The following PHACTR1 variants were observed in gnomAD, a reference collection of about 807,000 sequenced individuals.
The protein encoded by PHACTR1 is RPEL repeat containing 1.
In PHACTR1, 16 loss-of-function variants were observed where a neutral mutation model predicts 69.2. That is an observed-to-expected ratio of 0.23 (90% CI 0.16 to 0.35). The LOEUF (loss-of-function observed/expected upper bound fraction) is 0.35, where lower values mean the gene tolerates loss of function less well. Among genes scored for constraint, PHACTR1 ranks in the 10% least tolerant of loss-of-function variants. The pLI, the probability that PHACTR1 is intolerant of heterozygous loss-of-function variation, is 1.00. For missense variants in PHACTR1, 510 were observed against 734.7 expected (o/e 0.69, Z 3.54); for synonymous variants, 312 against 284.5 (o/e 1.10, Z -0.97).
chr6:13,212,915 C>T (rs1583973896), intron 8 of PHACTR1, among the ~76,000 whole-genome samples: 1 of 152,188 alleles, frequency 6.6e-6, no homozygotes, highest in East Asian at 1.9e-4. Context: ...GCCTGTTCCC[C>T]AGCTCCTTTT....
chr6:12,849,821 A>AT (rs1779657883), intron 4 of PHACTR1, among the ~76,000 whole-genome samples: 1 of 152,100 alleles, frequency 6.6e-6, no homozygotes, highest in South Asian at 2.1e-4. Context: ...AAAATACACA[A>AT]TTCATACCCC....
At chr6:13,160,622 G>T (rs1299161245) in intron 6 of PHACTR1, among the ~76,000 whole-genome samples, 1 of 152,160 alleles carries the variant, frequency 6.6e-6, no homozygotes, top group Non-Finnish European at 1.5e-5. Context: ...ACCTGTTTAG[G>T]CCCTTTCAGC....
At chr6:13,065,454 G>A (rs748590718) in intron 5 of PHACTR1, among the ~76,000 whole-genome samples, 7 of 152,028 alleles carry the variant, frequency 4.6e-5, no homozygotes, top group African/African-American at 4.8e-5. Context: ...GATGGTGTCC[G>A]GTGGGCATAG....
intron 4 of PHACTR1, among the ~76,000 whole-genome samples, chr6:12,816,664 G>A (rs756313166): frequency 1.3e-5 from 2 of 152,168 alleles, no homozygotes; most frequent in Non-Finnish European, 2.9e-5. Flanking sequence ...TATAAAAATG[G>A]CAATAGGCAC....
intron 5 of PHACTR1, among the ~76,000 whole-genome samples, chr6:13,116,285 G>A (rs949606639): frequency 6.6e-6 from 1 of 152,230 alleles, no homozygotes; most frequent in Non-Finnish European, 1.5e-5. Context: ...CTTATGCAGA[G>A]TGATAAATGC....
intron 4 of PHACTR1, among the ~76,000 whole-genome samples, chr6:12,872,407 TA>T (rs1320707572): frequency 1.3e-5 from 2 of 151,008 alleles, no homozygotes; most frequent in East Asian, 1.9e-4. Flanking sequence ...ATCTCCATGA[TA>T]AAAAACTTAA....
chr6:12,966,256 T>A (rs949883600), intron 4 of PHACTR1, among the ~76,000 whole-genome samples: 7 of 152,222 alleles, frequency 4.6e-5, no homozygotes, highest in African/African-American at 1.7e-4. Context: ...GCACTCACTG[T>A]GTTCTAAATG....
rs1818947004 is a variant in PHACTR1, at chr6:13,122,905, AT to A, written c.416-37297del. On this transcript the variant is annotated intron_variant, in intron 5 of 14. Transcript: ENST00000332995. The stretch of plus-strand genomic sequence containing the variant: ...TGAGCTTGCACAGTGCCATACAAAT[AT>A]TCATTCGAGGCAGCACATATTCAGT... 2.0e-5 allele frequency among the ~76,000 whole-genome samples: 3 copies of A among 152,214 alleles called. No homozygotes were observed. In the South Asian group the frequency reaches 6.2e-4, roughly 32 times the overall value.
intron 4 of PHACTR1, among the ~76,000 whole-genome samples, chr6:12,949,269 CAAAA>C (rs201027793): frequency 1.8e-5 from 1 of 57,028 alleles, no homozygotes; most frequent in Non-Finnish European, 5.2e-5. Flanking sequence ...AACGTCATCT[CAAAA>C]AAAAAAAAAA....
At chr6:12,798,531 A>AG (rs2127673253) in intron 4 of PHACTR1, among the ~76,000 whole-genome samples, 1 of 152,350 alleles carries the variant, frequency 6.6e-6, no homozygotes, top group Admixed American at 6.5e-5. Context: ...TAAATAAAGC[A>AG]TGATAGAACA....
chr6:12,727,701 ACTC>A (rs1250823730), intron 3 of PHACTR1, among the ~76,000 whole-genome samples: 1 of 151,986 alleles, frequency 6.6e-6, no homozygotes, highest in African/African-American at 2.4e-5. Context: ...AATCATTCTC[ACTC>A]CTCATTTGCC....
intron 5 of PHACTR1, among the ~76,000 whole-genome samples, chr6:13,150,523 A>G (rs1451982542): frequency 2.0e-5 from 3 of 152,284 alleles, no homozygotes; most frequent in African/African-American, 7.2e-5. Context: ...TACTCATACA[A>G]ATTGCCTCTA....
intron 4 of PHACTR1, among the ~76,000 whole-genome samples, chr6:12,761,464 A>T (rs1768011157): frequency 6.6e-6 from 1 of 152,222 alleles, no homozygotes; most frequent in Non-Finnish European, 1.5e-5. Flanking sequence ...ATGTTCCATT[A>T]GTAAGAGAAA....
chr6:12,854,729 G>A (rs574741654), intron 4 of PHACTR1, among the ~76,000 whole-genome samples: 1 of 152,236 alleles, frequency 6.6e-6, no homozygotes, highest in South Asian at 2.1e-4. Context: ...GTGGGCAAAG[G>A]ATGGGAACAA....
chr6:13,153,230 A>G (rs1166293360), intron 5 of PHACTR1, among the ~76,000 whole-genome samples: 1 of 152,228 alleles, frequency 6.6e-6, no homozygotes, highest in African/African-American at 2.4e-5. Flanking sequence ...ACAGTGGTAA[A>G]GATGCAAGAA....
chr6:12,927,065 A>C (rs916012959), intron 4 of PHACTR1, among the ~76,000 whole-genome samples: 5 of 152,212 alleles, frequency 3.3e-5, no homozygotes, highest in Non-Finnish European at 5.9e-5. Flanking sequence ...AGTAATCACA[A>C]CTTTGCTAAT....
intron 8 of PHACTR1, among the ~76,000 whole-genome samples, chr6:13,222,295 A>G (rs1244141887): frequency 1.5e-4 from 23 of 152,232 alleles, no homozygotes; most frequent in Admixed American, 1.5e-3. Context: ...TGACTCTCTC[A>G]GACCACTGAG....
chr6:12,720,041 T>A (rs969268069), intron 3 of PHACTR1, among the ~76,000 whole-genome samples: 1 of 152,188 alleles, frequency 6.6e-6, no homozygotes, highest in Non-Finnish European at 1.5e-5. Context: ...ACATGGCTGT[T>A]CCCAGCCACT....
chr6:12,844,990 G>T (rs183434164), intron 4 of PHACTR1, among the ~76,000 whole-genome samples: 85 of 152,152 alleles, frequency 5.6e-4, no homozygotes, highest in Non-Finnish European at 9.4e-4. Context: ...TTACAGAAAG[G>T]CCACCTATTA....
Sources: allele counts gnomAD v4.1 joint callset (sites outside exome capture counted in the v4.1 genomes callset), GRCh38; gene constraint gnomAD v4.1.1; transcripts MANE v1.5; gene names NCBI Gene and HGNC (gene_info 2026-07-23, HGNC 2026-07-21).